The following CACNA2D3 variants were observed in gnomAD, a reference collection of about 807,000 sequenced individuals.
CACNA2D3 encodes the protein voltage-dependent calcium channel subunit alpha-2/delta-3.
In CACNA2D3, 60 loss-of-function variants were observed where a neutral mutation model predicts 160.6. The observed-to-expected ratio is 0.37, with a 90% CI of 0.30 to 0.46. The LOEUF is 0.46. Among genes scored for constraint, CACNA2D3 ranks in the 20% least tolerant of loss-of-function variants. The pLI is 1.00. For missense variants in CACNA2D3, 1,205 were observed against 1,365.0 expected, an observed-to-expected ratio of 0.88 and a Z score of 1.85; for synonymous variants, 558 against 492.9, an observed-to-expected ratio of 1.13 and a Z score of -1.75.
chr3:54,223,703 A>C lies in CACNA2D3; in HGVS notation c.205-96739A>C, dbSNP rs1340360574. Among the ~76,000 whole-genome samples, 4 of 151,792 alleles carry C rather than the reference A, an allele frequency of 2.6e-5. No individual in the cohort carries two copies. The East Asian group carries it at 7.7e-4, about 29-fold the overall frequency. ...ACCCCGTCTCTACTAAAAATACAAA[A>C]ATTTGTGGGGCGTAGTGGCACGTGC... On this transcript the variant is annotated intron_variant, in intron 2 of 37. Coordinates refer to ENST00000474759, the MANE Select transcript of CACNA2D3 (RefSeq NM_018398.3).
intron 27 of CACNA2D3, among the ~76,000 whole-genome samples, chr3:54,962,814 A>G (rs1575410178): frequency 1.3e-5 from 2 of 152,296 alleles, no homozygotes; most frequent in Admixed American, 1.3e-4. Flanking sequence ...TGTTTGGGTG[A>G]GCTTGTGTGC....
chr3:54,693,288 C>T (rs899208098), intron 11 of CACNA2D3, among the ~76,000 whole-genome samples: 10 of 152,092 alleles, frequency 6.6e-5, no homozygotes, highest in Non-Finnish European at 2.9e-5. Context: ...AACAATGAAC[C>T]GCATATTCTT....
chr3:54,402,961 A>G (rs1699498094), intron 4 of CACNA2D3, among the ~76,000 whole-genome samples: 1 of 152,224 alleles, frequency 6.6e-6, no homozygotes, highest in Non-Finnish European at 1.5e-5. Flanking sequence ...GAAACTACGA[A>G]TCAACAATAG....
At chr3:54,901,730 T>C (rs1042018374) in intron 27 of CACNA2D3, among the ~76,000 whole-genome samples, 1 of 152,226 alleles carries the variant, frequency 6.6e-6, no homozygotes, top group Admixed American at 6.5e-5. Flanking sequence ...AATTGGTGAC[T>C]GTTACCCTTT....
chr3:54,837,984 C>T (rs1438991691), intron 15 of CACNA2D3, among the ~76,000 whole-genome samples: 1 of 152,116 alleles, frequency 6.6e-6, no homozygotes, highest in Admixed American at 6.5e-5. Flanking sequence ...ACCATAAAGC[C>T]TTAAAAAAAT....
At chr3:54,242,463 G>GAAATA (rs1235282124) in intron 2 of CACNA2D3, among the ~76,000 whole-genome samples, 3 of 151,954 alleles carry the variant, frequency 2.0e-5, no homozygotes, top group African/African-American at 7.3e-5. Flanking sequence ...GAAATGAAAT[G>GAAATA]AAATAAAATA....
chr3:54,657,016 G>C (rs1394741759), intron 11 of CACNA2D3, among the ~76,000 whole-genome samples: 1 of 151,888 alleles, frequency 6.6e-6, no homozygotes, highest in East Asian at 1.9e-4. Context: ...GGGAGATAGG[G>C]GTGGGGCTGT....
At chr3:54,617,863 C>T (rs993604317) in intron 9 of CACNA2D3, among the ~76,000 whole-genome samples, 44 of 152,056 alleles carry the variant, frequency 2.9e-4, no homozygotes, top group African/African-American at 1.1e-3. Context: ...ACTGGGTCCC[C>T]TGTCCCTCCC....
intron 3 of CACNA2D3, among the ~76,000 whole-genome samples, chr3:54,336,004 CAA>C (rs60465412): frequency 2.8e-4 from 21 of 74,546 alleles, no homozygotes; most frequent in Middle Eastern, 8.3e-3. Context: ...GACTCCGTCT[CAA>C]AAAAAAAAAA....
intron 2 of CACNA2D3, among the ~76,000 whole-genome samples, chr3:54,292,518 G>C (rs1452798998): frequency 6.6e-6 from 1 of 151,984 alleles, no homozygotes; most frequent in Admixed American, 6.6e-5. Context: ...CAAAGGTTCT[G>C]AATAAACATA....
chr3:54,981,068 A>G (rs1296866979), intron 29 of CACNA2D3, among the ~76,000 whole-genome samples: 1 of 152,232 alleles, frequency 6.6e-6, no homozygotes, highest in Non-Finnish European at 1.5e-5. Flanking sequence ...CTCATTCCCT[A>G]AACCAGGAAT....
chr3:54,964,952 A>G (rs1014877409), intron 27 of CACNA2D3, among the ~76,000 whole-genome samples: 3 of 151,892 alleles, frequency 2.0e-5, no homozygotes, highest in African/African-American at 7.3e-5. Flanking sequence ...TTTCCCTAGC[A>G]CTTCCTCTGC....
intron 2 of CACNA2D3, among the ~76,000 whole-genome samples, chr3:54,307,614 G>A (rs992313477): frequency 6.6e-6 from 1 of 152,166 alleles, no homozygotes; most frequent in African/African-American, 2.4e-5. Context: ...ATAAACCAGC[G>A]TCTCTTTACT....
intron 3 of CACNA2D3, among the ~76,000 whole-genome samples, chr3:54,364,283 C>G (rs1698792551): frequency 6.6e-6 from 1 of 152,146 alleles, no homozygotes; most frequent in Non-Finnish European, 1.5e-5. Context: ...TTCATTAAGA[C>G]CAAATATCAA....
chr3:54,646,216 T>C lies in CACNA2D3; in HGVS notation c.1167+3975T>C, dbSNP rs866605545. ...CTTGCTTCCTTCCTTCCTTCCTTCCTTCCTTCCTTCCTTCCTTCCTTCCTT... is the reference window on the plus strand; with the variant it reads ...CTTGCTTCCTTCCTTCCTTCCTTCCCTCCTTCCTTCCTTCCTTCCTTCCTT... On this transcript the variant is annotated intron_variant, in intron 11 of 37. Transcript: ENST00000474759. 9.5e-3 allele frequency among the ~76,000 whole-genome samples: 1,047 copies of C among 109,696 alleles called. 46 individuals carry two copies. The highest frequency in any genetic ancestry group is 0.015 in the African/African-American group (432 of 29,162). The allele number at this position is 109,696 out of a possible 152,430, so 72.0% of individuals were successfully genotyped here. A position where few individuals can be genotyped will look rare whatever the true frequency, so the allele number is the denominator to read the frequency against.
intron 35 of CACNA2D3, among the ~76,000 whole-genome samples, chr3:55,027,371 T>C (rs1475857598): frequency 6.6e-6 from 1 of 152,218 alleles, no homozygotes; most frequent in African/African-American, 2.4e-5. Flanking sequence ...GAAGCTGTTG[T>C]TTGGCATTTT....
At chr3:54,818,600 T>C (rs1225535996) in intron 14 of CACNA2D3, among the ~76,000 whole-genome samples, 1 of 152,240 alleles carries the variant, frequency 6.6e-6, no homozygotes, top group African/African-American at 2.4e-5. Flanking sequence ...TGTCATCATA[T>C]ATTGACTCAC....
At chr3:54,328,040 T>G (rs1170925788) in intron 3 of CACNA2D3, among the ~76,000 whole-genome samples, 1 of 152,238 alleles carries the variant, frequency 6.6e-6, no homozygotes, top group African/African-American at 2.4e-5. Flanking sequence ...TATGATAAAC[T>G]CTCTTGCAAA....
At chr3:54,550,433 G>T (rs1221865927) in intron 5 of CACNA2D3, among the ~76,000 whole-genome samples, 1 of 152,210 alleles carries the variant, frequency 6.6e-6, no homozygotes, top group Non-Finnish European at 1.5e-5. Context: ...TGGCGCAGTG[G>T]CTCCCGCCAA....
Sources: gnomAD v4.1 joint callset for allele counts (sites outside exome capture counted in the v4.1 genomes callset) on GRCh38, gnomAD v4.1.1 for gene constraint, MANE v1.5 for transcripts, NCBI Gene and HGNC (gene_info 2026-07-23, HGNC 2026-07-21) for gene names.